PSMA1: variants seen among roughly 807,000 people sequenced by gnomAD.
PSMA1 encodes the protein proteasome 20S subunit alpha 1.
A neutral mutation model predicts 38.4 loss-of-function variants in PSMA1; 3 were observed. That is an observed-to-expected ratio of 0.08 (90% CI 0.04 to 0.20). The LOEUF (loss-of-function observed/expected upper bound fraction) is 0.20, where lower values mean the gene tolerates loss of function less well. Ranked by LOEUF, PSMA1 falls within the 10% of genes least tolerant of loss-of-function variation. PSMA1 has a pLI of 1.00. For synonymous variants in PSMA1, 101 were observed against 107.1 expected (o/e 0.94, Z 0.35); for missense variants, 227 against 325.3 (o/e 0.70, Z 2.32).
At chr11:14,631,659 A>T (rs1311037953) in intron 1 of PSMA1, among the ~76,000 whole-genome samples, 17 of 151,986 alleles carry the variant, frequency 1.1e-4, no homozygotes, top group Admixed American at 9.2e-4. Context: ...TGGGGTGGAG[A>T]CTTCTGTAGA....
chr11:14,533,812 G>T (rs1399079031), intron 2 of PSMA1, among the ~76,000 whole-genome samples: 1 of 151,914 alleles, frequency 6.6e-6, no homozygotes, highest in South Asian at 2.1e-4. Context: ...TTTGCTTTTT[G>T]CCTTACAAAA....
At chr11:14,551,590 C>T (rs1851886026) in intron 2 of PSMA1, among the ~76,000 whole-genome samples, 1 of 152,198 alleles carries the variant, frequency 6.6e-6, no homozygotes, top group Admixed American at 6.5e-5. Flanking sequence ...TCAAAGTAAA[C>T]ATGGATTTGG....
intron 2 of PSMA1, among the ~76,000 whole-genome samples, chr11:14,597,377 A>C (rs966429265): frequency 6.6e-6 from 1 of 152,040 alleles, no homozygotes; most frequent in Admixed American, 6.6e-5. Context: ...CTGGTCCTGG[A>C]CTTTTTTTGG....
At chr11:14,593,501 G>A (rs564432734) in intron 2 of PSMA1, among the ~76,000 whole-genome samples, 1 of 152,206 alleles carries the variant, frequency 6.6e-6, no homozygotes, top group Non-Finnish European at 1.5e-5. Context: ...TTCAAGGCAT[G>A]TCACCTAACA....
chr11:14,528,166 C>T (rs1461442949), intron 2 of PSMA1, among the ~76,000 whole-genome samples: 1 of 151,590 alleles, frequency 6.6e-6, no homozygotes, highest in East Asian at 1.9e-4. Flanking sequence ...TTACCTAAAT[C>T]AATCTGGCCT....
At chr11:14,560,227 G>A (rs1202796377) in intron 2 of PSMA1, among the ~76,000 whole-genome samples, 1 of 152,162 alleles carries the variant, frequency 6.6e-6, no homozygotes, top group African/African-American at 2.4e-5. Context: ...GCTTTGTGTT[G>A]GATCTACTAA....
intron 2 of PSMA1, among the ~76,000 whole-genome samples, chr11:14,589,462 A>AT (rs1001017824): frequency 1.8e-4 from 27 of 150,234 alleles, no homozygotes; most frequent in African/African-American, 6.4e-4. Flanking sequence ...ATATATATAT[A>AT]TTTTTTTCTT....
At chr11:14,573,324 G>A (rs1400650943) in intron 2 of PSMA1, among the ~76,000 whole-genome samples, 1 of 152,074 alleles carries the variant, frequency 6.6e-6, no homozygotes, top group Non-Finnish European at 1.5e-5. Context: ...ATGATCAAGG[G>A]GGCTTCGTCC....
chr11:14,562,825 G>A lies in PSMA1; in HGVS notation c.22-43784C>T, dbSNP rs576808712. On this transcript the variant is annotated intron_variant, in intron 2 of 10. Transcript: ENST00000418988. ...GACTCAAGTATCTGCCCACATACTGGCCTCCCAAAGTGCTGGGATTACAGG... is the reference window on the plus strand; with the variant it reads ...GACTCAAGTATCTGCCCACATACTGACCTCCCAAAGTGCTGGGATTACAGG... 4.6e-5 allele frequency among the ~76,000 whole-genome samples: 7 copies of A among 152,058 alleles called. No homozygotes were observed. The South Asian group carries it at 1.5e-3, about 32-fold the overall frequency.
rs907212190 is a variant in PSMA1 at position 14,534,627 on chromosome 11, G to A, written c.22-15586C>T. Among the ~76,000 whole-genome samples, 1 of 151,992 alleles carries A rather than the reference G, an allele frequency of 6.6e-6. No homozygotes were observed. The highest frequency in any genetic ancestry group is 1.5e-5 in the Non-Finnish European group (1 of 67,980). ...GCTGGGTCTACAGGAGTGAGCCACT[G>A]TGCTGACCATTTTTTTTTTAATTAC... is the stretch of plus-strand genomic sequence containing the variant. On this transcript the variant is annotated intron_variant, in intron 2 of 10. Coordinates refer to the PSMA1 transcript ENST00000418988. This position sits in a 1 kb window ranked among gnomAD's most constrained non-coding sequence, Gnocchi z 4.5.
At chr11:14,596,479 G>A (rs61883618) in intron 2 of PSMA1, among the ~76,000 whole-genome samples, 1 of 141,644 alleles carries the variant, frequency 7.1e-6, no homozygotes, top group Non-Finnish European at 1.6e-5. Flanking sequence ...AAGTTGGATT[G>A]CTAGGTATTT....
At chr11:14,515,261 A>C (rs1426311649) in intron 4 of PSMA1, among the ~76,000 whole-genome samples, 1 of 152,212 alleles carries the variant, frequency 6.6e-6, no homozygotes, top group African/African-American at 2.4e-5. Context: ...ATGGCAGGCA[A>C]TAATCACATG....
intron 2 of PSMA1, among the ~76,000 whole-genome samples, chr11:14,557,870 A>G (rs1851958897): frequency 6.6e-6 from 1 of 152,094 alleles, no homozygotes; most frequent in East Asian, 1.9e-4. Context: ...CTTTCTACCT[A>G]CACCCCACAA....
At chr11:14,519,215 T>C (rs1589980892) in intron 1 of PSMA1, 174 bp from the exon 2 acceptor site, 1 of 676,478 alleles carries the variant, frequency 1.5e-6, no homozygotes, top group South Asian at 1.5e-5. Context: ...ACATTTACCA[T>C]AAACTCGTGG....
chr11:14,632,870 A>G (rs1299437312), intron 1 of PSMA1, among the ~76,000 whole-genome samples: 1 of 151,698 alleles, frequency 6.6e-6, no homozygotes, highest in East Asian at 1.9e-4. Context: ...TTCCCTTCTC[A>G]CTTCATTTCA....
intron 1 of PSMA1, 104 bp from the exon 2 acceptor site, chr11:14,519,145 C>A: frequency 1.1e-6 from 1 of 938,284 alleles, no homozygotes; most frequent in South Asian, 1.4e-5. Flanking sequence ...AATGTTAAGG[C>A]ACTCTGTTCA....
intron 2 of PSMA1, among the ~76,000 whole-genome samples, chr11:14,609,951 T>A (rs570023452): frequency 6.6e-6 from 1 of 152,286 alleles, no homozygotes; most frequent in Non-Finnish European, 1.5e-5. Flanking sequence ...AAAGAAGACA[T>A]GATTGTGGCT....
At chr11:14,600,035 C>T (rs1162102590) in intron 2 of PSMA1, among the ~76,000 whole-genome samples, 1 of 152,154 alleles carries the variant, frequency 6.6e-6, no homozygotes, top group African/African-American at 2.4e-5. Flanking sequence ...GCTGGAGTTC[C>T]ACTCCAGACC....
At chr11:14,515,555 CTTT>C (rs779183596) in intron 4 of PSMA1, among the ~76,000 whole-genome samples, 10 of 135,966 alleles carry the variant, frequency 7.4e-5, no homozygotes, top group African/African-American at 2.2e-4. Flanking sequence ...AATTGAAATT[CTTT>C]TTTTTTTTTT....
Sources: gnomAD v4.1 joint callset for allele counts (sites outside exome capture counted in the v4.1 genomes callset) on GRCh38, gnomAD v4.1.1 for gene constraint, Gnocchi (gnomAD v3.1) non-coding constraint, MANE v1.5 for transcripts, NCBI Gene and HGNC (gene_info 2026-07-23, HGNC 2026-07-21) for gene names.